The following EPS15 variants were observed in gnomAD, a reference collection of about 807,000 sequenced individuals.
EPS15 encodes epidermal growth factor receptor substrate 15.
EPS15 carries 72 observed loss-of-function variants against 113.8 expected under a neutral mutation model. The observed-to-expected ratio is 0.63, with a 90% CI of 0.52 to 0.77. The LOEUF (loss-of-function observed/expected upper bound fraction) is 0.77. Ranked by LOEUF, EPS15 falls within the 30% of genes least tolerant of loss-of-function variation. The pLI is 0.00. For missense variants in EPS15, 1,048 were observed against 1,045.8 expected (o/e 1.00, Z -0.03); for synonymous variants, 344 against 363.4 (o/e 0.95, Z 0.61).
intron 1 of EPS15, among the ~76,000 whole-genome samples, chr1:51,489,547 GC>G (rs1158355024): frequency 2.0e-5 from 3 of 151,808 alleles, no homozygotes; most frequent in Non-Finnish European, 4.4e-5. Flanking sequence ...CAAACTCCTG[GC>G]CTCAGGTGAC....
chr1:51,389,678 G>GACAA (rs1443564439), intron 21 of EPS15, among the ~76,000 whole-genome samples: 3 of 151,662 alleles, frequency 2.0e-5, no homozygotes. Flanking sequence ...ACCAATAACA[G>GACAA]ACAGAGAGCC....
intron 1 of EPS15, chr1:51,518,289 G>A (rs908987079): frequency 5.2e-5 from 8 of 152,456 alleles, no homozygotes; most frequent in African/African-American, 1.9e-4. Flanking sequence ...ACAAGGACTG[G>A]ACTTTGACAG....
At chr1:51,471,541 T>C in intron 4 of EPS15, 149 bp downstream of exon 4, 3 of 636,478 alleles carry the variant, frequency 4.7e-6, no homozygotes, top group South Asian at 2.0e-5. Context: ...CATCTAGTGA[T>C]TGGAAATACT....
At chr1:51,364,400 A>G (rs1250952154) in intron 22 of EPS15, among the ~76,000 whole-genome samples, 1 of 152,236 alleles carries the variant, frequency 6.6e-6, no homozygotes, top group African/African-American at 2.4e-5. Context: ...CAAAGGAAAA[A>G]AAATGGATTC....
At chr1:51,492,265 T>C (rs1279535244) in intron 1 of EPS15, among the ~76,000 whole-genome samples, 5 of 152,214 alleles carry the variant, frequency 3.3e-5, no homozygotes, top group Non-Finnish European at 5.9e-5. Flanking sequence ...GCTTAAATTC[T>C]AGTAAAAATT....
intron 20 of EPS15, among the ~76,000 whole-genome samples, chr1:51,396,007 CCTT>C (rs1311043562): frequency 6.6e-6 from 1 of 152,096 alleles, no homozygotes; most frequent in Non-Finnish European, 1.5e-5. Flanking sequence ...CTGGGACTAA[CCTT>C]CTCTCTTTAT....
intron 12 of EPS15, among the ~76,000 whole-genome samples, chr1:51,426,399 G>C (rs2148455758): frequency 6.9e-6 from 1 of 144,868 alleles, no homozygotes; most frequent in African/African-American, 2.6e-5. Context: ...CTTCATCTAG[G>C]ATGCCTTTAT....
intron 2 of EPS15, among the ~76,000 whole-genome samples, chr1:51,475,973 C>T (rs991715051): frequency 2.0e-5 from 3 of 152,114 alleles, no homozygotes; most frequent in Admixed American, 1.3e-4. Context: ...TCAGGTTTGT[C>T]AAAGATCAGA....
chr1:51,403,937 G>A (rs538689438), intron 16 of EPS15, among the ~76,000 whole-genome samples: 25 of 151,986 alleles, frequency 1.6e-4, no homozygotes, highest in Non-Finnish European at 3.4e-4. Flanking sequence ...TCTCCTTATT[G>A]TAGCCAAACT....
chr1:51,357,757 G>A (rs995610263), intron 24 of EPS15, among the ~76,000 whole-genome samples: 57 of 73,540 alleles, frequency 7.8e-4, no homozygotes, highest in Admixed American at 1.9e-3. Context: ...TTTTTTTTTT[G>A]AGACAGAGTT....
chr1:51,397,852 T>A (rs944899160), intron 20 of EPS15, among the ~76,000 whole-genome samples: 4 of 152,186 alleles, frequency 2.6e-5, no homozygotes, highest in Non-Finnish European at 4.4e-5. Context: ...AGTTAACTGG[T>A]CCTTTATAGG....
chr1:51,391,670 G>T (rs1457622046), intron 21 of EPS15, among the ~76,000 whole-genome samples: 1 of 152,010 alleles, frequency 6.6e-6, no homozygotes, highest in Non-Finnish European at 1.5e-5. Flanking sequence ...ATGAGATATT[G>T]TTAGAAAAGT....
chr1:51,397,294 A>G (rs1389074424), intron 20 of EPS15: 1 of 152,200 alleles, frequency 6.6e-6, no homozygotes, highest in Non-Finnish European at 1.5e-5. Context: ...AACTGCAGCT[A>G]TTATTATATT....
chr1:51,403,348 T>A (rs956557664), intron 17 of EPS15, 71 bp downstream of exon 17: 3 of 779,798 alleles, frequency 3.8e-6, no homozygotes, highest in East Asian at 2.5e-5. Context: ...TTAAGTAATG[T>A]CTGATAATTC....
chr1:51,434,143 G>A (rs1201160356), intron 12 of EPS15, among the ~76,000 whole-genome samples: 1 of 152,158 alleles, frequency 6.6e-6, no homozygotes, highest in African/African-American at 2.4e-5. Flanking sequence ...GGAAATCCTT[G>A]ACACAAAAAC....
chr1:51,442,245 GA>G (rs1652652784), intron 11 of EPS15, among the ~76,000 whole-genome samples: 1 of 152,086 alleles, frequency 6.6e-6, no homozygotes, highest in African/African-American at 2.4e-5. Context: ...TAAACAAAAT[GA>G]AACATTAGCA....
intron 1 of EPS15, among the ~76,000 whole-genome samples, chr1:51,507,812 T>C (rs932781430): frequency 2.6e-5 from 4 of 152,062 alleles, no homozygotes; most frequent in African/African-American, 9.7e-5. Flanking sequence ...ATGGTGTGGA[T>C]GGTGATCTAT....
chr1:51,423,431 T>C, intron 12 of EPS15: 1 of 985,374 alleles, frequency 1.0e-6, no homozygotes. Context: ...AAGCTCAATC[T>C]TGGAAATTTT....
intron 12 of EPS15, among the ~76,000 whole-genome samples, chr1:51,428,487 A>G (rs1399672779): frequency 2.0e-5 from 3 of 149,634 alleles, no homozygotes; most frequent in Non-Finnish European, 2.9e-5. Context: ...CATCAATAAC[A>G]TAACAGGGGG....
Sources: gnomAD v4.1 joint callset for allele counts (sites outside exome capture counted in the v4.1 genomes callset) on GRCh38, gnomAD v4.1.1 for gene constraint, MANE v1.5 for transcripts, NCBI Gene and HGNC (gene_info 2026-07-23, HGNC 2026-07-21) for gene names.